CNTLN: variants seen among roughly 807,000 people sequenced by gnomAD.
The protein encoded by CNTLN is centlein, centrosomal protein.
Under a neutral mutation model 180.0 loss-of-function variants are expected in CNTLN, and 212 were observed. That is an observed-to-expected ratio of 1.18 (90% CI 1.05 to 1.32). CNTLN has a LOEUF of 1.32. Among genes scored for constraint, CNTLN ranks in the 40% most tolerant of loss-of-function variants. CNTLN has a pLI of 0.00. For synonymous variants in CNTLN, 722 were observed against 563.1 expected (o/e 1.28, Z -3.99); for missense variants, 2,095 against 1,610.9 (o/e 1.30, Z -5.14).
chr9:17,192,052 TG>T (rs1418257811), intron 2 of CNTLN, among the ~76,000 whole-genome samples: 1 of 152,174 alleles, frequency 6.6e-6, no homozygotes, highest in Non-Finnish European at 1.5e-5. Flanking sequence ...CTGTACCTTG[TG>T]GGAAAATATT....
chr9:17,462,350 G>T (rs992817542), intron 19 of CNTLN, among the ~76,000 whole-genome samples: 1 of 151,718 alleles, frequency 6.6e-6, no homozygotes, highest in African/African-American at 2.4e-5. Context: ...TCCTAGCAAG[G>T]TGATCCTGGA....
At chr9:17,249,567 T>G (rs1826013895) in intron 5 of CNTLN, among the ~76,000 whole-genome samples, 1 of 152,038 alleles carries the variant, frequency 6.6e-6, no homozygotes, top group Non-Finnish European at 1.5e-5. Flanking sequence ...GCCAGGATGG[T>G]CTTGATCTCC....
chr9:17,488,307 T>C (rs1832987718), intron 25 of CNTLN, among the ~76,000 whole-genome samples: 1 of 151,530 alleles, frequency 6.6e-6, no homozygotes, highest in Non-Finnish European at 1.5e-5. Context: ...ACAAAGCCTT[T>C]TACACTGACT....
chr9:17,183,475 T>A (rs1821243878), intron 2 of CNTLN, among the ~76,000 whole-genome samples: 1 of 152,032 alleles, frequency 6.6e-6, no homozygotes, highest in African/African-American at 2.4e-5. Flanking sequence ...GAACACTTTT[T>A]TCTATTTGTT....
At chr9:17,181,809 C>T (rs1476912680) in intron 2 of CNTLN, among the ~76,000 whole-genome samples, 2 of 152,134 alleles carry the variant, frequency 1.3e-5, no homozygotes, top group Non-Finnish European at 2.9e-5. Context: ...TGTATTCTCA[C>T]CCTTTATTAG....
chr9:17,237,875 G>A (rs1315201202), intron 5 of CNTLN, among the ~76,000 whole-genome samples: 2 of 151,992 alleles, frequency 1.3e-5, no homozygotes, highest in African/African-American at 4.8e-5. Context: ...ACAATCATGG[G>A]GTGACTGAGC....
chr9:17,357,492 G>T (rs1822942692), intron 12 of CNTLN, among the ~76,000 whole-genome samples: 1 of 150,144 alleles, frequency 6.7e-6, no homozygotes, highest in Non-Finnish European at 1.5e-5. Flanking sequence ...TTTATTTTTT[G>T]AGGCCATACA....
At chr9:17,406,237 A>G (rs36051199) in intron 15 of CNTLN, among the ~76,000 whole-genome samples, 37,395 of 151,644 alleles carry the variant, frequency 0.25, 5,094 homozygotes, top group South Asian at 0.37. Context: ...CTTTAGAAAA[A>G]TATCCAGAAG....
chr9:17,298,984 C>G, intron 7 of CNTLN: 1 of 969,082 alleles, frequency 1.0e-6, no homozygotes, highest in Non-Finnish European at 1.2e-6. Context: ...TGGCTCATGC[C>G]TGTAATCCCA....
intron 6 of CNTLN, among the ~76,000 whole-genome samples, chr9:17,277,572 G>A (rs1378345890): frequency 6.6e-6 from 1 of 151,934 alleles, no homozygotes. Context: ...AAAGATATAA[G>A]ACCTAGAAAT....
At chr9:17,153,475 A>G (rs546907895) in intron 2 of CNTLN, among the ~76,000 whole-genome samples, 3 of 152,336 alleles carry the variant, frequency 2.0e-5, no homozygotes, top group African/African-American at 7.2e-5. Context: ...AGAACATTGA[A>G]TATTGGCCTT....
chr9:17,401,869 C>G (rs926937264), intron 15 of CNTLN, among the ~76,000 whole-genome samples: 1 of 151,462 alleles, frequency 6.6e-6, no homozygotes, highest in Non-Finnish European at 1.5e-5. Context: ...AGTTAAAAGT[C>G]AAATGACTAA....
chr9:17,252,496 A>G (rs1011444191), intron 5 of CNTLN, among the ~76,000 whole-genome samples: 3 of 151,688 alleles, frequency 2.0e-5, no homozygotes, highest in African/African-American at 7.2e-5. Context: ...CTGATGATTA[A>G]TGATGCTGAG....
At chr9:17,302,365 T>G (rs1818431439) in intron 7 of CNTLN, among the ~76,000 whole-genome samples, 1 of 152,064 alleles carries the variant, frequency 6.6e-6, no homozygotes, top group Non-Finnish European at 1.5e-5. Flanking sequence ...ACTCAGCTAA[T>G]TTTTGTACTT....
intron 2 of CNTLN, among the ~76,000 whole-genome samples, chr9:17,170,720 C>T (rs1403664474): frequency 6.6e-6 from 1 of 151,846 alleles, no homozygotes; most frequent in Non-Finnish European, 1.5e-5. Flanking sequence ...ATCATTTAAT[C>T]ATCCATCTGT....
chr9:17,476,055 AC>A (rs1832325304), intron 23 of CNTLN, among the ~76,000 whole-genome samples: 1 of 151,148 alleles, frequency 6.6e-6, no homozygotes, highest in Non-Finnish European at 1.5e-5. Context: ...GTGTGTGCTC[AC>A]TTTGTGTCTC....
Position 17,402,870 on chromosome 9 carries a change from C to T in CNTLN, c.2616-6423C>T, listed in dbSNP as rs144420020. The stretch of plus-strand genomic sequence containing the variant: ...CATACTGTAGATTTGGACTTCCTAG[C>T]CTTCACAATCACATGAACCAATTCC... On this transcript the variant is annotated intron_variant, in intron 15 of 25. Transcript: ENST00000380647. 3.8e-4 allele frequency among the ~76,000 whole-genome samples: 57 copies of T among 151,828 alleles called. No homozygotes were observed. In the East Asian group the frequency reaches 7.5e-3, roughly 20 times the overall value.
chr9:17,480,871 A>G (rs1202511341), intron 23 of CNTLN, among the ~76,000 whole-genome samples: 1 of 152,242 alleles, frequency 6.6e-6, no homozygotes, highest in Non-Finnish European at 1.5e-5. Context: ...AATTTTAGAT[A>G]TTAGAAAAAT....
chr9:17,453,724 G>C (rs1210035218), intron 18 of CNTLN, among the ~76,000 whole-genome samples: 1 of 152,176 alleles, frequency 6.6e-6, no homozygotes, highest in East Asian at 1.9e-4. Context: ...TGTGGGTATA[G>C]GACTGAGGTC....
Sources: gnomAD v4.1 joint callset for allele counts (sites outside exome capture counted in the v4.1 genomes callset) on GRCh38, gnomAD v4.1.1 for gene constraint, MANE v1.5 for transcripts, NCBI Gene and HGNC (gene_info 2026-07-23, HGNC 2026-07-21) for gene names.